The following ODAD2 variants were observed in gnomAD, a reference collection of about 807,000 sequenced individuals.
The protein encoded by ODAD2 is outer dynein arm docking complex subunit 2.
A neutral mutation model predicts 106.8 loss-of-function variants in ODAD2; 89 were observed. The observed-to-expected ratio is 0.83, with a 90% confidence interval of 0.70 to 0.99. ODAD2 has a LOEUF of 0.99. Among genes scored for constraint, ODAD2 ranks in the 50% least tolerant of loss-of-function variants. The probability of loss-of-function intolerance (pLI) is 0.00; values close to 1 mark genes in which losing one functional copy is unlikely to be tolerated. For synonymous variants in ODAD2, 404 were observed against 436.2 expected, an observed-to-expected ratio of 0.93 and a Z score of 0.92; for missense variants, 1,168 against 1,238.5, an observed-to-expected ratio of 0.94 and a Z score of 0.85.
chr10:27,909,817 G>GAAAAA (rs35449629), intron 16 of ODAD2, among the ~76,000 whole-genome samples: 10 of 56,376 alleles, frequency 1.8e-4, no homozygotes, highest in East Asian at 4.7e-4. Flanking sequence ...GTCTTCATTT[G>GAAAAA]AAAAAAAAAA....
intron 14 of ODAD2, among the ~76,000 whole-genome samples, chr10:27,939,230 T>C (rs913696438): frequency 6.6e-6 from 1 of 152,158 alleles, no homozygotes; most frequent in Non-Finnish European, 1.5e-5. Context: ...AAAAGCAATA[T>C]AGAAGCACCA....
chr10:27,917,637 T>C (rs997787229), intron 16 of ODAD2, among the ~76,000 whole-genome samples: 1 of 152,048 alleles, frequency 6.6e-6, no homozygotes, highest in African/African-American at 2.4e-5. Context: ...GTTGACAAAC[T>C]TTTTCAGTAA....
chr10:27,892,406 T>C (rs1348330975), intron 17 of ODAD2, among the ~76,000 whole-genome samples: 1 of 152,320 alleles, frequency 6.6e-6, no homozygotes, highest in East Asian at 1.9e-4. Flanking sequence ...AGATGCTTAT[T>C]TCCTGTCTTA....
chr10:27,820,890 C>T (rs1177061422), intron 19 of ODAD2, among the ~76,000 whole-genome samples: 1 of 149,658 alleles, frequency 6.7e-6, no homozygotes, highest in South Asian at 2.1e-4. Flanking sequence ...TCAAGCCATT[C>T]TCCTGCCTCA....
At chr10:27,980,738 G>A (rs1476200057) in intron 7 of ODAD2, among the ~76,000 whole-genome samples, 1 of 152,046 alleles carries the variant, frequency 6.6e-6, no homozygotes. Flanking sequence ...GAATGAAAAT[G>A]GTGTGGCCCC....
At chr10:27,983,759 G>T in intron 6 of ODAD2, 84 bp downstream of exon 6, 2 of 1,292,572 alleles carry the variant, frequency 1.5e-6, no homozygotes, top group Non-Finnish European at 2.2e-6. Context: ...CATTCTCTGT[G>T]GTCATTGGGA....
intron 19 of ODAD2, among the ~76,000 whole-genome samples, chr10:27,859,825 A>G (rs942228758): frequency 2.6e-5 from 4 of 152,162 alleles, no homozygotes; most frequent in African/African-American, 9.7e-5. Context: ...CTGTCTACTG[A>G]TGCACAGATT....
At chr10:27,915,343 A>C (rs889080436) in intron 16 of ODAD2, among the ~76,000 whole-genome samples, 1 of 152,146 alleles carries the variant, frequency 6.6e-6, no homozygotes, top group African/African-American at 2.4e-5. Context: ...AAAGGCAGGC[A>C]GATTCAGTGT....
At chr10:27,823,916 G>A (rs1375369897) in intron 19 of ODAD2, among the ~76,000 whole-genome samples, 11 of 116,208 alleles carry the variant, frequency 9.5e-5, no homozygotes, top group African/African-American at 3.9e-4. Flanking sequence ...CGAGGCGGGC[G>A]GATCACGAGG....
chr10:27,941,254 T>C (rs565537551), intron 12 of ODAD2, among the ~76,000 whole-genome samples: 5 of 150,084 alleles, frequency 3.3e-5, no homozygotes, highest in African/African-American at 1.2e-4. Flanking sequence ...GAGCTCGAGG[T>C]GGGAGGATCA....
chr10:27,987,941 T>G (rs1221888985), intron 2 of ODAD2, among the ~76,000 whole-genome samples: 1 of 151,664 alleles, frequency 6.6e-6, no homozygotes, highest in Non-Finnish European at 1.5e-5. Context: ...ATTTATAAAA[T>G]TTTTACACCA....
chr10:27,990,656 T>C (rs1054593944), intron 2 of ODAD2, among the ~76,000 whole-genome samples: 16 of 152,362 alleles, frequency 1.1e-4, no homozygotes, highest in African/African-American at 3.8e-4. Flanking sequence ...AATTATTGTC[T>C]CATAAAACAA....
intron 7 of ODAD2, among the ~76,000 whole-genome samples, chr10:27,976,504 A>G (rs1849197730): frequency 6.6e-6 from 1 of 152,178 alleles, no homozygotes; most frequent in Non-Finnish European, 1.5e-5. Context: ...CATTAACAAT[A>G]GCCCCAAAAT....
At chr10:27,965,752 G>A (rs1848451609) in intron 9 of ODAD2, among the ~76,000 whole-genome samples, 1 of 152,140 alleles carries the variant, frequency 6.6e-6, no homozygotes. Context: ...GGCTGAAAAC[G>A]GGCCATCTGC....
intron 19 of ODAD2, among the ~76,000 whole-genome samples, chr10:27,823,711 T>C (rs910906502): frequency 2.0e-5 from 3 of 152,240 alleles, no homozygotes; most frequent in Non-Finnish European, 4.4e-5. Flanking sequence ...CTACAGTTCC[T>C]GTTGGACTGA....
chr10:27,921,889 G>A (rs1223977853), intron 16 of ODAD2, among the ~76,000 whole-genome samples: 12 of 149,486 alleles, frequency 8.0e-5, no homozygotes, highest in South Asian at 2.1e-4. Context: ...ACTTTAGGCC[G>A]GGCGCCTTGG....
At chr10:27,879,719 C>G (rs1037123640) in intron 17 of ODAD2, among the ~76,000 whole-genome samples, 1 of 152,036 alleles carries the variant, frequency 6.6e-6, no homozygotes, top group African/African-American at 2.4e-5. Context: ...ATACATTTTT[C>G]TGAAGCTATG....
intron 19 of ODAD2, among the ~76,000 whole-genome samples, chr10:27,852,203 A>G (rs1275110938): frequency 6.6e-6 from 1 of 152,252 alleles, no homozygotes; most frequent in East Asian, 1.9e-4. Flanking sequence ...AAGGAAAATG[A>G]TATCAGGAGA....
chr10:27,827,365 T>TACAC (rs146630922), intron 19 of ODAD2, among the ~76,000 whole-genome samples: 36 of 116,232 alleles, frequency 3.1e-4, no homozygotes, highest in Middle Eastern at 4.8e-3. Context: ...GACACACACA[T>TACAC]ACACACACAC....
Sources: allele counts gnomAD v4.1 joint callset (sites outside exome capture counted in the v4.1 genomes callset), GRCh38; gene constraint gnomAD v4.1.1; transcripts MANE v1.5; gene names NCBI Gene and HGNC (gene_info 2026-07-23, HGNC 2026-07-21).